Variants in NCOA5 observed in about 807,000 individuals in gnomAD.
NCOA5 encodes NCoA-5.
Under a neutral mutation model 59.0 loss-of-function variants are expected in NCOA5, and 12 were observed. The observed-to-expected ratio is 0.20, with a 90% CI of 0.13 to 0.33. NCOA5 has a LOEUF of 0.33. Ranked by LOEUF, NCOA5 falls within the 10% of genes least tolerant of loss-of-function variation. NCOA5 has a pLI of 1.00. For missense variants in NCOA5, 655 were observed against 766.6 expected (o/e 0.85, Z 1.72); for synonymous variants, 270 against 275.5 (o/e 0.98, Z 0.20).
Position 46,074,239 on chromosome 20 carries a change from A to G in NCOA5, c.39-3703T>C, listed in dbSNP as rs192535515. Among the ~76,000 whole-genome samples the G allele has an allele frequency of 1.6e-4, 25 of 152,320 alleles. 2 individuals carry two copies. The highest frequency in any genetic ancestry group is 5.5e-4 in the African/African-American group (23 of 41,574). ...TGGCCCCAACATATTTTTCAAAACAAGACTACAGCTAACAAAAGGGCAGTA... is the reference window on the plus strand; with the variant it reads ...TGGCCCCAACATATTTTTCAAAACAGGACTACAGCTAACAAAAGGGCAGTA... On this transcript the variant is annotated intron_variant, in intron 2 of 7. Transcript: ENST00000290231.
In NCOA5 at chr20:46,061,030, TAAC is replaced by T. The variant is rs1023991509; in HGVS notation, c.*1267_*1269del. On this transcript the variant is annotated 3_prime_UTR_variant, in exon 8 of 8. Transcript: ENST00000290231. The stretch of plus-strand genomic sequence containing the variant: ...TTAAAAAGTAATCATTTCATTTTAT[TAAC>T]AACACAAGAGTTCCAAAGAGGAAAA... The T allele has an allele frequency of 6.6e-6, 1 of 152,068 alleles. No individual in the cohort carries two copies. Among genetic ancestry groups the T allele is most frequent in the African/African-American group, 2.4e-5 (1 of 41,374 alleles). 9.4% of individuals were successfully genotyped at this position (152,068 alleles called of 1,614,324 possible).
intron 2 of NCOA5, among the ~76,000 whole-genome samples, chr20:46,074,474 A>G (rs2084915318): frequency 6.6e-6 from 1 of 152,230 alleles, no homozygotes. Context: ...AACAGTGGTT[A>G]AATTTCAGCA....
At chr20:46,067,614 A>T (rs1418479807) in intron 4 of NCOA5, among the ~76,000 whole-genome samples, 3 of 151,786 alleles carry the variant, frequency 2.0e-5, no homozygotes, top group African/African-American at 4.8e-5. Context: ...TTAAAAATTT[A>T]AAAGTTCTTT....
chr20:46,075,324 G>C (rs2084925468), intron 2 of NCOA5, among the ~76,000 whole-genome samples: 1 of 152,206 alleles, frequency 6.6e-6, no homozygotes, highest in Non-Finnish European at 1.5e-5. Flanking sequence ...TGTTACTGCA[G>C]AGGTAATCAC....
intron 2 of NCOA5, among the ~76,000 whole-genome samples, chr20:46,071,477 C>T (rs1824912241): frequency 6.6e-6 from 1 of 152,136 alleles, no homozygotes; most frequent in Non-Finnish European, 1.5e-5. Context: ...CAATCCAAGC[C>T]CTTATTTCTA....
intron 2 of NCOA5, among the ~76,000 whole-genome samples, chr20:46,076,213 A>G (rs2084936587): frequency 6.8e-6 from 1 of 147,808 alleles, no homozygotes. Flanking sequence ...TGAATGATGC[A>G]CCCCCTGTGG....
intron 2 of NCOA5, among the ~76,000 whole-genome samples, chr20:46,076,567 CTTTT>C (rs111295797): frequency 2.2e-5 from 3 of 137,522 alleles, no homozygotes; most frequent in Admixed American, 1.5e-4. Flanking sequence ...TTAAATTTGT[CTTTT>C]TTTTTTTTTA....
Position 46,078,468 on chromosome 20 carries a change from C to CTG in NCOA5, c.38+917_38+918dup, listed in dbSNP as rs1455396663. The stretch of plus-strand genomic sequence containing the variant: ...AGTTCACTGTAGGAAATGCAGTTTA[C>CTG]TGTGGTACGTAGTTTAGTTATGTTT... On this transcript the variant is annotated intron_variant, in intron 2 of 7. Transcript: ENST00000290231. Among the ~76,000 whole-genome samples, 3 of 151,322 alleles carry CTG rather than the reference C, an allele frequency of 2.0e-5. No individual in the cohort carries two copies. In the East Asian group the frequency reaches 5.8e-4, roughly 29 times the overall value.
At position 46,061,247 on chromosome 20, in the gene NCOA5, G is replaced by C. The variant is rs2084758041; in HGVS notation, c.*1053C>G. On this transcript the variant is annotated 3_prime_UTR_variant, in exon 8 of 8. Transcript: ENST00000290231. ...CTCTACTGAGCACAAACCCTGGGGA[G>C]AGGGCAGCTTCCTGGGGCTCCATTT... The C allele has an allele frequency of 6.6e-6, 1 of 152,622 alleles. No individual in the cohort carries two copies. Among genetic ancestry groups the C allele is most frequent in the Non-Finnish European group, 1.5e-5 (1 of 68,068 alleles). 9.5% of individuals were successfully genotyped at this position (152,622 alleles called of 1,614,324 possible). A position where few individuals can be genotyped will look rare whatever the true frequency, so the allele number is the denominator to read the frequency against.
chr20:46,069,008 T>C (rs1175518457), intron 3 of NCOA5, among the ~76,000 whole-genome samples: 6 of 152,178 alleles, frequency 3.9e-5, no homozygotes, highest in Non-Finnish European at 7.4e-5. Context: ...AGTTTTGCCA[T>C]GTTGCCTAGG....
chr20:46,061,836 C>G lies in NCOA5; in HGVS notation c.*464G>C, dbSNP rs1396037935. ...CACTGTGCCTGCCAAGGCCAGTTTGCTTTTCTTCAACTCTAGGCAGGAGTT... is the reference window on the plus strand; with the variant it reads ...CACTGTGCCTGCCAAGGCCAGTTTGGTTTTCTTCAACTCTAGGCAGGAGTT... On this transcript the variant is annotated 3_prime_UTR_variant, in exon 8 of 8. Coordinates refer to ENST00000290231, the MANE Select transcript of NCOA5 (RefSeq NM_020967.3). 1.3e-5 allele frequency: 2 copies of G among 155,152 alleles called. No homozygotes were observed. Among genetic ancestry groups the G allele is most frequent in the African/African-American group, 2.4e-5 (1 of 41,432 alleles). The allele number at this position is 155,152 out of a possible 1,614,324, so 9.6% of individuals were successfully genotyped here.
chr20:46,070,262 G>A lies in NCOA5; in HGVS notation c.313C>T (p.Pro105Ser). 6.2e-7 allele frequency: 1 copy of A among 1,613,966 alleles called. No individual in the cohort carries two copies. Among genetic ancestry groups the A allele is most frequent in the Non-Finnish European group, 8.5e-7 (1 of 1,180,004 alleles). Residue 105 changes from proline (P) to serine (S), a missense_variant, in exon 3 of 8, where the codon CCC (proline) becomes TCC (serine). Around this residue, in one of 3 missense-constraint regions of NCOA5, gnomAD observed 250 missense variants for 260.1 expected, o/e 0.96. Coordinates refer to ENST00000290231, the MANE Select transcript of NCOA5 (RefSeq NM_020967.3). ...DSRDFRDQRD[P>S]MYDRYRDMRD... ...ATGTCTCTGTATCTGTCGTACATGG[G>A]GTCTCGCTGATCTCGAAAATCCCTA...
intron 4 of NCOA5, among the ~76,000 whole-genome samples, chr20:46,067,786 TAA>T (rs1283908987): frequency 6.6e-6 from 1 of 152,114 alleles, no homozygotes; most frequent in South Asian, 2.1e-4. Context: ...TGCCTTCATC[TAA>T]AAAAGAGATG....
chr20:46,076,352 C>T (rs923667207), intron 2 of NCOA5, among the ~76,000 whole-genome samples: 1 of 152,062 alleles, frequency 6.6e-6, no homozygotes, highest in Non-Finnish European at 1.5e-5. Flanking sequence ...CCAGTGTTCA[C>T]CCTCAGTTAA....
intron 2 of NCOA5, among the ~76,000 whole-genome samples, chr20:46,072,286 T>A (rs1044408038): frequency 3.3e-5 from 5 of 152,198 alleles, no homozygotes; most frequent in African/African-American, 1.2e-4. Flanking sequence ...TACAGTGATC[T>A]GTTACGTATG....
intron 1 of NCOA5, among the ~76,000 whole-genome samples, chr20:46,083,819 C>T (rs1323781041): frequency 6.6e-6 from 1 of 152,194 alleles, no homozygotes; most frequent in Non-Finnish European, 1.5e-5. Context: ...GGACTTCTCG[C>T]TAAACTATAT....
intron 1 of NCOA5, among the ~76,000 whole-genome samples, chr20:46,084,034 A>C (rs1375531123): frequency 6.6e-6 from 1 of 152,338 alleles, no homozygotes; most frequent in Admixed American, 6.5e-5. Context: ...TAACTGTATT[A>C]GAATATTATT....
rs1030598835 is a variant in NCOA5 at position 46,076,440 on chromosome 20, C to T, written c.38+2947G>A. On this transcript the variant is annotated intron_variant, in intron 2 of 7. Coordinates refer to ENST00000290231, the MANE Select transcript of NCOA5 (RefSeq NM_020967.3). Reference sequence around the variant, plus strand: ...ATTTATGTCTGCCCTATTGGTATATCTTAAGAGATAAAGTATGATCAGGAC... The same window carrying T: ...ATTTATGTCTGCCCTATTGGTATATTTTAAGAGATAAAGTATGATCAGGAC... Among the ~76,000 whole-genome samples the T allele has an allele frequency of 7.9e-5, 12 of 152,040 alleles. 1 individual carries two copies. The highest frequency in any genetic ancestry group is 2.9e-4 in the African/African-American group (12 of 41,390).
chr20:46,068,782 C>A, intron 3 of NCOA5, 144 bp from the exon 4 acceptor site: 1 of 714,774 alleles, frequency 1.4e-6, no homozygotes, highest in East Asian at 2.8e-5. Context: ...ATAGAGTTAA[C>A]CTGTCTCACT....
Sources: allele counts gnomAD v4.1 joint callset (sites outside exome capture counted in the v4.1 genomes callset), GRCh38; gene constraint gnomAD v4.1.1; regional missense constraint gnomAD v4.1.1; transcripts MANE v1.5; gene names NCBI Gene and HGNC (gene_info 2026-07-23, HGNC 2026-07-21).